The following MYOCOS variants were observed in gnomAD, a reference collection of about 807,000 sequenced individuals.
MYOCOS encodes myocilin opposite strand.
At chr1:171,616,725 G>C (rs913259665) in intron 2 of MYOCOS, among the ~76,000 whole-genome samples, 6 of 152,140 alleles carry the variant, frequency 3.9e-5, no homozygotes, top group Non-Finnish European at 7.4e-5. Context: ...ATCTGGGCTG[G>C]AGAGACAGAT....
At chr1:171,611,831 G>T (rs933378494) in intron 1 of MYOCOS, among the ~76,000 whole-genome samples, 3 of 151,966 alleles carry the variant, frequency 2.0e-5, no homozygotes, top group Admixed American at 6.6e-5. Context: ...CCTTTAATTT[G>T]CAGGGGATGG....
At chr1:171,625,180 G>T (rs574741283) in intron 2 of MYOCOS, among the ~76,000 whole-genome samples, 2 of 152,144 alleles carry the variant, frequency 1.3e-5, no homozygotes, top group African/African-American at 4.8e-5. Context: ...GGTTTAGACC[G>T]TGAGAGTGGG....
chr1:171,620,585 T>C (rs1184637026), upstream of MYOCOS, among the ~76,000 whole-genome samples: 2 of 152,112 alleles, frequency 1.3e-5, no homozygotes, highest in Non-Finnish European at 2.9e-5. Flanking sequence ...TGAAAGAACT[T>C]TGGCCTCCAC....
At chr1:171,607,725 A>G (rs542535146) in intron 1 of MYOCOS, among the ~76,000 whole-genome samples, 36 of 152,350 alleles carry the variant, frequency 2.4e-4, no homozygotes, top group Non-Finnish European at 4.3e-4. Context: ...GGGTTAAGGC[A>G]GCATGATATT....
intron 1 of MYOCOS, among the ~76,000 whole-genome samples, chr1:171,611,717 G>C (rs1443112677): frequency 1.3e-4 from 20 of 152,194 alleles, no homozygotes. Context: ...ATGGGTTGCA[G>C]CAGTATTCCT....
At chr1:171,626,231 T>C (rs535516417) in intron 2 of MYOCOS, among the ~76,000 whole-genome samples, 3 of 151,934 alleles carry the variant, frequency 2.0e-5, no homozygotes, top group Admixed American at 2.0e-4. Context: ...CACAGGTGCA[T>C]GCTACCATGC....
At chr1:171,617,705 G>C (rs1369802388), upstream of MYOCOS, among the ~76,000 whole-genome samples, 8 of 152,306 alleles carry the variant, frequency 5.3e-5, no homozygotes, top group South Asian at 1.2e-3. Flanking sequence ...TTGTGTCTTT[G>C]TTTTGTGGTG....
upstream of MYOCOS, among the ~76,000 whole-genome samples, chr1:171,620,773 CT>C (rs34455235): frequency 3.7e-4 from 47 of 127,178 alleles, no homozygotes; most frequent in Non-Finnish European, 3.7e-4. Flanking sequence ...CTTTTTCTTT[CT>C]TTTTTTTTTT....
At chr1:171,612,824 C>T (rs1652379898) in intron 1 of MYOCOS, among the ~76,000 whole-genome samples, 1 of 152,040 alleles carries the variant, frequency 6.6e-6, no homozygotes, top group South Asian at 2.1e-4. Flanking sequence ...GAGTGAAACT[C>T]CATCTCAAAA....
chr1:171,609,224 A>T (rs964653698), intron 1 of MYOCOS, among the ~76,000 whole-genome samples: 1 of 152,168 alleles, frequency 6.6e-6, no homozygotes, highest in Non-Finnish European at 1.5e-5. Flanking sequence ...TTGTTTATTT[A>T]CTGTCAAAAC....
chr1:171,622,224 G>C (rs1049449866), upstream of MYOCOS: 4 of 152,210 alleles, frequency 2.6e-5, no homozygotes, highest in East Asian at 7.7e-4. Context: ...ATCTGAGATA[G>C]CGCTTCCCCA....
chr1:171,613,948 C>T (rs1652402857), intron 1 of MYOCOS, among the ~76,000 whole-genome samples: 1 of 152,162 alleles, frequency 6.6e-6, no homozygotes, highest in Non-Finnish European at 1.5e-5. Flanking sequence ...GGCTGATTGG[C>T]AGTCCAGTCT....
At chr1:171,625,927 C>T (rs893922657) in intron 2 of MYOCOS, among the ~76,000 whole-genome samples, 1 of 152,110 alleles carries the variant, frequency 6.6e-6, no homozygotes, top group Non-Finnish European at 1.5e-5. Flanking sequence ...ATGGCACCAA[C>T]GGGGACAGCT....
chr1:171,625,156 A>C lies in MYOCOS; in HGVS notation c.95+1178A>C, dbSNP rs1652667919. On this transcript the variant is annotated intron_variant, in intron 2 of 2. Transcript: ENST00000637642. Reference sequence around the variant, plus strand: ...TCTTTGTTGATAGTGGTGCACAGCCAATTTGATACCACGGGTTTAGACCGT... The same window carrying C: ...TCTTTGTTGATAGTGGTGCACAGCCCATTTGATACCACGGGTTTAGACCGT... 2.0e-5 allele frequency among the ~76,000 whole-genome samples: 3 copies of C among 152,306 alleles called. No individual in the cohort carries two copies. In the South Asian group the frequency reaches 6.2e-4, roughly 32 times the overall value.
chr1:171,608,234 G>C (rs1479341724), intron 1 of MYOCOS, among the ~76,000 whole-genome samples: 1 of 152,074 alleles, frequency 6.6e-6, no homozygotes, highest in East Asian at 1.9e-4. Context: ...TGCACAGAAA[G>C]TTTATTAGGC....
At chr1:171,617,570 A>AT (rs1335967475), upstream of MYOCOS, among the ~76,000 whole-genome samples, 1 of 152,188 alleles carries the variant, frequency 6.6e-6, no homozygotes, top group Non-Finnish European at 1.5e-5. Flanking sequence ...TAGAAAACAT[A>AT]CAACCTTGAT....
At chr1:171,617,652 A>G (rs1652474688), upstream of MYOCOS, among the ~76,000 whole-genome samples, 1 of 152,184 alleles carries the variant, frequency 6.6e-6, no homozygotes, top group Admixed American at 6.5e-5. Flanking sequence ...GAAGGAAAGG[A>G]ATTGGAGGCA....
At chr1:171,611,711 G>T (rs1652354337) in intron 1 of MYOCOS, among the ~76,000 whole-genome samples, 2 of 152,108 alleles carry the variant, frequency 1.3e-5, no homozygotes, top group South Asian at 4.1e-4. Flanking sequence ...CAGTATATGG[G>T]TTGCAGCAGT....
rs1232146553 is a variant in MYOCOS at position 171,615,779 on chromosome 1, A to G, written c.-44+774A>G. Reference sequence around the variant, plus strand: ...AGTGATGTGAGCCCTTAAAAGGGACAGAAGTTGTGCATTCGGGGAGCTCGG... The same window carrying G: ...AGTGATGTGAGCCCTTAAAAGGGACGGAAGTTGTGCATTCGGGGAGCTCGG... On this transcript the variant is annotated intron_variant, in intron 2 of 3. Coordinates refer to the MYOCOS transcript ENST00000636697. Among the ~76,000 whole-genome samples the G allele has an allele frequency of 2.6e-5, 4 of 152,236 alleles. No individual in the cohort carries two copies. The East Asian group carries it at 7.7e-4, about 29-fold the overall frequency.
Sources: allele counts gnomAD v4.1 joint callset (sites outside exome capture counted in the v4.1 genomes callset), GRCh38; gene constraint gnomAD v4.1.1; transcripts MANE v1.5; gene names NCBI Gene and HGNC (gene_info 2026-07-23, HGNC 2026-07-21).